The following PDE10A variants were observed in gnomAD, a reference collection of about 807,000 sequenced individuals.
PDE10A encodes the protein phosphodiesterase 10A.
Under a neutral mutation model 97.7 loss-of-function variants are expected in PDE10A, and 39 were observed. The ratio of observed to expected loss-of-function variants is 0.40; its 90% CI spans 0.31 to 0.52. The LOEUF is 0.52. Ranked by LOEUF, PDE10A falls within the 20% of genes least tolerant of loss-of-function variation. PDE10A has a pLI of 0.56. For synonymous variants in PDE10A, 371 were observed against 376.8 expected (o/e 0.98, Z 0.18); for missense variants, 731 against 1,047.8 (o/e 0.70, Z 4.17).
intron 1 of PDE10A, among the ~76,000 whole-genome samples, chr6:165,964,622 C>T (rs780021533): frequency 1.3e-5 from 2 of 152,176 alleles, no homozygotes; most frequent in African/African-American, 2.4e-5. Flanking sequence ...TGCCAGCGAG[C>T]GTCCTAGGCA....
At position 165,653,924 on chromosome 6, in the gene PDE10A, G is replaced by A. The variant is rs181769408; in HGVS notation, c.865+8023C>T. The stretch of plus-strand genomic sequence containing the variant: ...CAGCCATGAGATCCTCCTACTCTAC[G>A]AGCCCTGACTTCTGGCTGCGCATCT... On this transcript the variant is annotated intron_variant, in intron 1 of 21. Transcript: ENST00000539869. Among the ~76,000 whole-genome samples the A allele has an allele frequency of 3.9e-5, 6 of 151,976 alleles. No homozygotes were observed. The South Asian group carries it at 6.2e-4, about 16-fold the overall frequency.
chr6:165,512,223 C>T (rs1349852419), intron 2 of PDE10A, among the ~76,000 whole-genome samples: 2 of 151,634 alleles, frequency 1.3e-5, no homozygotes, highest in East Asian at 1.9e-4. Flanking sequence ...TATGTTTTTA[C>T]GATAGTAAAT....
chr6:165,473,168 T>C (rs1779108512), intron 3 of PDE10A, among the ~76,000 whole-genome samples: 1 of 152,166 alleles, frequency 6.6e-6, no homozygotes, highest in Admixed American at 6.5e-5. Context: ...CATAAAATCA[T>C]GAAATGCTTA....
chr6:165,839,098 C>G (rs748362896), intron 1 of PDE10A, among the ~76,000 whole-genome samples: 3 of 152,288 alleles, frequency 2.0e-5, no homozygotes, highest in Non-Finnish European at 2.9e-5. Flanking sequence ...CTAAAAAGTC[C>G]AGAAACTCTT....
intron 1 of PDE10A, among the ~76,000 whole-genome samples, chr6:165,708,436 A>G (rs1043103783): frequency 6.6e-6 from 1 of 151,958 alleles, no homozygotes; most frequent in Non-Finnish European, 1.5e-5. Context: ...ATCTCCTGTC[A>G]GTGCCCTCTG....
At chr6:165,825,827 T>G (rs1583152843) in intron 1 of PDE10A, among the ~76,000 whole-genome samples, 1 of 152,172 alleles carries the variant, frequency 6.6e-6, no homozygotes, top group Admixed American at 6.5e-5. Context: ...CCAGGCAGCA[T>G]CAGCCACTCC....
At chr6:165,439,668 G>A (rs895914178) in intron 5 of PDE10A, among the ~76,000 whole-genome samples, 2 of 152,128 alleles carry the variant, frequency 1.3e-5, no homozygotes, top group Non-Finnish European at 2.9e-5. Context: ...TATTTTTGTG[G>A]TAACAGCAAA....
chr6:165,628,270 G>T (rs1788475898), intron 1 of PDE10A, among the ~76,000 whole-genome samples: 1 of 152,170 alleles, frequency 6.6e-6, no homozygotes, highest in African/African-American at 2.4e-5. Context: ...ATGTACTGAG[G>T]CTTAAATAAA....
chr6:165,508,483 C>T (rs1443134592), intron 2 of PDE10A, among the ~76,000 whole-genome samples: 1 of 151,792 alleles, frequency 6.6e-6, no homozygotes, highest in Admixed American at 6.6e-5. Context: ...GAGTTATTTC[C>T]GGTTTTATTC....
chr6:165,517,249 T>C (rs896193814), intron 2 of PDE10A, among the ~76,000 whole-genome samples: 2 of 152,134 alleles, frequency 1.3e-5, no homozygotes. Flanking sequence ...AAAATAAATA[T>C]GAAATAGATG....
At chr6:165,348,180 AT>A (rs1413958761) in intron 18 of PDE10A, among the ~76,000 whole-genome samples, 1 of 152,210 alleles carries the variant, frequency 6.6e-6, no homozygotes, top group African/African-American at 2.4e-5. Flanking sequence ...AGAAATTATG[AT>A]TTTTAAGCTG....
At chr6:165,444,937 A>C (rs1392932884) in intron 5 of PDE10A, among the ~76,000 whole-genome samples, 2 of 152,060 alleles carry the variant, frequency 1.3e-5, no homozygotes, top group African/African-American at 4.8e-5. Flanking sequence ...AGGGACAGAA[A>C]ATTTTCTCAG....
chr6:165,915,630 A>G (rs1280955783), intron 1 of PDE10A, among the ~76,000 whole-genome samples: 1 of 152,198 alleles, frequency 6.6e-6, no homozygotes, highest in East Asian at 1.9e-4. Context: ...TGAGCCGGTA[A>G]AGATCCAGTG....
At position 165,949,844 on chromosome 6, in the gene PDE10A, A is replaced by C. The variant is rs528855940; in HGVS notation, c.-615+37685T>G. 10 of 152,348 alleles carry C rather than the reference A, an allele frequency of 6.6e-5. 1 individual carries two copies. The highest frequency in any genetic ancestry group is 8.8e-5 in the Non-Finnish European group (6 of 68,030). 9.4% of individuals were successfully genotyped at this position (152,348 alleles called of 1,614,324 possible). ...ACATCCAAAGATGAATAAAATGATCATCTGTAGTTATCGCATGAGTTTCAA... is the reference window on the plus strand; with the variant it reads ...ACATCCAAAGATGAATAAAATGATCCTCTGTAGTTATCGCATGAGTTTCAA... On this transcript the variant is annotated intron_variant, in intron 1 of 19. Coordinates refer to the PDE10A transcript ENST00000366882.
rs1785488226 is a variant in PDE10A at position 165,388,918 on chromosome 6, G to GA, written c.2455-466dup. On this transcript the variant is annotated intron_variant, in intron 16 of 21. Transcript: ENST00000539869. This position sits in a 1 kb window ranked among gnomAD's most constrained non-coding sequence, Gnocchi z 4.0. ...CGCATGTAAAAATGGCAAATATATA[G>GA]AAAAAAAGGCAGAGCAGGCTAAAGG... Among the ~76,000 whole-genome samples the GA allele has an allele frequency of 1.3e-5, 2 of 152,076 alleles. No homozygotes were observed. The highest frequency in any genetic ancestry group is 4.2e-4 in the South Asian group (2 of 4,808).
At chr6:165,438,680 G>A (rs996926571) in intron 5 of PDE10A, among the ~76,000 whole-genome samples, 1 of 152,126 alleles carries the variant, frequency 6.6e-6, no homozygotes, top group African/African-American at 2.4e-5. Flanking sequence ...ACTTTGGCCT[G>A]GGCGCAGTAA....
chr6:165,801,299 C>T (rs141995406), intron 1 of PDE10A, among the ~76,000 whole-genome samples: 41 of 152,352 alleles, frequency 2.7e-4, no homozygotes, highest in African/African-American at 9.6e-4. Flanking sequence ...AAACCCAACA[C>T]TTTGGGAGGC....
chr6:165,802,558 G>C (rs539060787), intron 1 of PDE10A, among the ~76,000 whole-genome samples: 35 of 152,352 alleles, frequency 2.3e-4, no homozygotes, highest in South Asian at 2.1e-3. Context: ...GAGCCAGGCT[G>C]CGTGCGGCCT....
chr6:165,451,037 A>G (rs1185773070), intron 3 of PDE10A, among the ~76,000 whole-genome samples: 3 of 152,218 alleles, frequency 2.0e-5, no homozygotes, highest in Non-Finnish European at 4.4e-5. Flanking sequence ...AGATGCTAGG[A>G]AAGTCTGCTG....
Sources: allele counts gnomAD v4.1 joint callset (sites outside exome capture counted in the v4.1 genomes callset), GRCh38; gene constraint gnomAD v4.1.1; non-coding constraint Gnocchi (gnomAD v3.1); transcripts MANE v1.5; gene names NCBI Gene and HGNC (gene_info 2026-07-23, HGNC 2026-07-21).